Variants in FYN observed in about 807,000 individuals in gnomAD.
FYN encodes the protein FYN proto-oncogene, Src family tyrosine kinase, also known as tyrosine-protein kinase Fyn.
Under a neutral mutation model 70.2 loss-of-function variants are expected in FYN, and 10 were observed. The ratio of observed to expected loss-of-function variants is 0.14; its 90% CI spans 0.09 to 0.24. The LOEUF is 0.24. Ranked by LOEUF, FYN falls within the 10% of genes least tolerant of loss-of-function variation. The pLI is 1.00. For synonymous variants in FYN, 236 were observed against 248.6 expected (o/e 0.95, Z 0.48); for missense variants, 319 against 673.1 (o/e 0.47, Z 5.82).
At chr6:111,696,615 T>C (rs1799585370) in intron 9 of FYN, 159 bp from the exon 10 acceptor site, 1 of 505,814 alleles carries the variant, frequency 2.0e-6, no homozygotes, top group Admixed American at 4.2e-5. Context: ...CTCTGTCAAG[T>C]ATTTTAACAG....
chr6:111,712,058 C>T (rs1004675865), intron 5 of FYN, among the ~76,000 whole-genome samples: 1 of 152,154 alleles, frequency 6.6e-6, no homozygotes, highest in African/African-American at 2.4e-5. Context: ...CGGATTGGAT[C>T]CTCCTTAAGT....
At chr6:111,821,058 A>G (rs564868194) in intron 2 of FYN, among the ~76,000 whole-genome samples, 3 of 152,192 alleles carry the variant, frequency 2.0e-5, no homozygotes, top group Non-Finnish European at 4.4e-5. Context: ...TCTGAATTTT[A>G]AAAACATAAC....
chr6:111,806,344 C>T (rs972739395), intron 2 of FYN, among the ~76,000 whole-genome samples: 16 of 152,092 alleles, frequency 1.1e-4, no homozygotes, highest in Admixed American at 1.0e-3. Flanking sequence ...GGGTGGGACA[C>T]ACTTGCATCA....
intron 5 of FYN, among the ~76,000 whole-genome samples, chr6:111,710,096 A>C (rs1484394348): frequency 6.6e-6 from 1 of 152,156 alleles, no homozygotes; most frequent in Admixed American, 6.5e-5. Context: ...TAAAAATAAC[A>C]ATACCCAGCT....
intron 2 of FYN, among the ~76,000 whole-genome samples, chr6:111,827,333 A>C (rs2114394652): frequency 6.6e-6 from 1 of 152,274 alleles, no homozygotes; most frequent in African/African-American, 2.4e-5. Context: ...GCTGGTTCAA[A>C]GACTCTTTGG....
intron 7 of FYN, among the ~76,000 whole-genome samples, chr6:111,703,710 A>G (rs1799944656): frequency 6.6e-6 from 1 of 152,250 alleles, no homozygotes; most frequent in African/African-American, 2.4e-5. Flanking sequence ...TCAGAAAATC[A>G]AAATTCTAAA....
At chr6:111,764,961 T>C (rs1291237936) in intron 3 of FYN, among the ~76,000 whole-genome samples, 1 of 151,756 alleles carries the variant, frequency 6.6e-6, no homozygotes, top group East Asian at 1.9e-4. Flanking sequence ...GGTGAGAAAA[T>C]ATGTGTCTGG....
intron 12 of FYN, among the ~76,000 whole-genome samples, chr6:111,684,437 A>G (rs73538016): frequency 0.031 from 4,712 of 152,256 alleles, 254 homozygotes; most frequent in African/African-American, 0.11. Context: ...CAGGACAACT[A>G]GAGGACACAG....
intron 2 of FYN, among the ~76,000 whole-genome samples, chr6:111,791,827 T>C (rs1024791825): frequency 1.3e-5 from 2 of 152,226 alleles, no homozygotes; most frequent in African/African-American, 4.8e-5. Flanking sequence ...ATGAATACAA[T>C]GGGTATCCGT....
intron 3 of FYN, among the ~76,000 whole-genome samples, chr6:111,771,299 T>C (rs1209194288): frequency 6.6e-6 from 1 of 152,142 alleles, no homozygotes; most frequent in Non-Finnish European, 1.5e-5. Context: ...TGTCACACCC[T>C]TCTTAAGGAG....
intron 3 of FYN, among the ~76,000 whole-genome samples, chr6:111,734,503 A>C (rs895028424): frequency 5.9e-5 from 9 of 152,168 alleles, no homozygotes; most frequent in African/African-American, 2.2e-4. Flanking sequence ...TGCTAAAATG[A>C]AGAACAACTT....
intron 2 of FYN, among the ~76,000 whole-genome samples, chr6:111,834,012 G>T (rs1161089698): frequency 1.3e-5 from 2 of 152,174 alleles, no homozygotes; most frequent in African/African-American, 4.8e-5. Flanking sequence ...GATGCTTCAT[G>T]CATCAGTAGG....
At chr6:111,675,216 G>A (rs9374274) in intron 12 of FYN, among the ~76,000 whole-genome samples, 62,514 of 151,894 alleles carry the variant, frequency 0.41, 13,705 homozygotes, top group Admixed American at 0.54. Flanking sequence ...TTACTCCTGG[G>A]ATAGTTTTTT....
At chr6:111,692,111 C>G (rs963733028) in intron 12 of FYN, among the ~76,000 whole-genome samples, 9 of 149,948 alleles carry the variant, frequency 6.0e-5, no homozygotes, top group African/African-American at 1.7e-4. Flanking sequence ...TCCCCCCCCC[C>G]CAGTTCAGCT....
rs111830565 is a variant in FYN, at chr6:111,786,508, C to T, written c.-81-5873G>A. On this transcript the variant is annotated intron_variant, in intron 2 of 13. Transcript: ENST00000354650. ...AACTCTTTGCTATTGTGAATAGTGCCGCAATATGTGTGCATGTATCTTTAT... is the reference window on the plus strand; with the variant it reads ...AACTCTTTGCTATTGTGAATAGTGCTGCAATATGTGTGCATGTATCTTTAT... Among the ~76,000 whole-genome samples, 744 of 152,230 alleles carry T rather than the reference C, an allele frequency of 4.9e-3. 7 individuals carry two copies. Among genetic ancestry groups the T allele is most frequent in the African/African-American group, 0.015 (643 of 41,520 alleles).
intron 3 of FYN, among the ~76,000 whole-genome samples, chr6:111,756,870 C>T (rs1802760070): frequency 6.6e-6 from 1 of 152,148 alleles, no homozygotes; most frequent in Non-Finnish European, 1.5e-5. Context: ...AAGCACCATA[C>T]TCAATGGTGA....
chr6:111,791,528 A>T (rs2128513931), intron 2 of FYN, among the ~76,000 whole-genome samples: 1 of 151,950 alleles, frequency 6.6e-6, no homozygotes, highest in East Asian at 1.9e-4. Flanking sequence ...GACTGTCCTT[A>T]AAGAAAGAAA....
At chr6:111,725,886 C>T (rs1467275162) in intron 3 of FYN, among the ~76,000 whole-genome samples, 1 of 152,166 alleles carries the variant, frequency 6.6e-6, no homozygotes, top group African/African-American at 2.4e-5. Context: ...TTATTTGGCA[C>T]AGCCGACTTT....
chr6:111,679,944 G>C (rs1798715252), intron 12 of FYN, among the ~76,000 whole-genome samples: 1 of 152,122 alleles, frequency 6.6e-6, no homozygotes, highest in Admixed American at 6.5e-5. Context: ...GGGGCCTTGG[G>C]AGAGTTCACA....
Sources: gnomAD v4.1 joint callset for allele counts (sites outside exome capture counted in the v4.1 genomes callset) on GRCh38, gnomAD v4.1.1 for gene constraint, MANE v1.5 for transcripts, NCBI Gene and HGNC (gene_info 2026-07-23, HGNC 2026-07-21) for gene names.